Variants in PRKCB observed in about 807,000 individuals in gnomAD.
PRKCB encodes the protein protein kinase C beta, also known as protein kinase C beta type.
In PRKCB, 13 loss-of-function variants were observed where a neutral mutation model predicts 81.5. The ratio of observed to expected loss-of-function variants is 0.16; its 90% CI spans 0.10 to 0.25. The LOEUF is 0.25. Among genes scored for constraint, PRKCB ranks in the 10% least tolerant of loss-of-function variants. PRKCB has a pLI of 1.00. For missense variants in PRKCB, 509 were observed against 875.7 expected, an observed-to-expected ratio of 0.58 and a Z score of 5.29; for synonymous variants, 335 against 321.4, an observed-to-expected ratio of 1.04 and a Z score of -0.45.
At chr16:23,935,719 C>A (rs1270968122) in intron 2 of PRKCB, among the ~76,000 whole-genome samples, 4 of 152,134 alleles carry the variant, frequency 2.6e-5, no homozygotes, top group Admixed American at 1.3e-4. Flanking sequence ...AAATCATATC[C>A]TTTGCAGCAA....
chr16:23,990,674 C>T lies in PRKCB; in HGVS notation c.288+2084C>T, dbSNP rs117297400. Among the ~76,000 whole-genome samples, 957 of 151,958 alleles carry T rather than the reference C, an allele frequency of 6.3e-3. 2 individuals are homozygous for T. Among genetic ancestry groups the T allele is most frequent in the African/African-American group, 0.011 (472 of 41,480 alleles). Reference sequence around the variant, plus strand: ...GCAACCCCCCCACCTCAGCCGCCCACGTAGCTGGGCCTACAAGTGCATGCC... The same window carrying T: ...GCAACCCCCCCACCTCAGCCGCCCATGTAGCTGGGCCTACAAGTGCATGCC... On this transcript the variant is annotated intron_variant, in intron 3 of 16. Transcript: ENST00000643927.
At chr16:24,175,444 C>T (rs878950338) in intron 12 of PRKCB, among the ~76,000 whole-genome samples, 3 of 151,694 alleles carry the variant, frequency 2.0e-5, no homozygotes, top group Admixed American at 6.6e-5. Context: ...CCCTTGCCCC[C>T]GTGGAGTTTA....
intron 16 of PRKCB, among the ~76,000 whole-genome samples, chr16:24,196,169 C>T (rs1272803620): frequency 1.3e-5 from 2 of 152,192 alleles, no homozygotes; most frequent in Admixed American, 6.5e-5. Context: ...TTCTCTGTGT[C>T]AAATCCCAGT....
At position 24,167,461 on chromosome 16, in the gene PRKCB, G is replaced by C. The variant is rs76865246; in HGVS notation, c.1240-4809G>C. Among the ~76,000 whole-genome samples, 553 of 152,238 alleles carry C rather than the reference G, an allele frequency of 3.6e-3. 4 individuals carry two copies. The highest frequency in any genetic ancestry group is 0.012 in the African/African-American group (517 of 41,552). On this transcript the variant is annotated intron_variant, in intron 10 of 16. Transcript: ENST00000643927. The stretch of plus-strand genomic sequence containing the variant: ...TGTAGTCCCAGCTACTGGAGAGGCT[G>C]AGACAGGAGGATTACTTGAGCCTGG...
chr16:24,206,816 C>T (rs754424829), intron 16 of PRKCB, among the ~76,000 whole-genome samples: 6 of 152,242 alleles, frequency 3.9e-5, no homozygotes, highest in African/African-American at 1.2e-4. Flanking sequence ...TCTTATGTAT[C>T]GCCAGAGTCC....
chr16:23,973,988 T>C (rs545781996), intron 2 of PRKCB, among the ~76,000 whole-genome samples: 5 of 152,342 alleles, frequency 3.3e-5, no homozygotes, highest in African/African-American at 1.2e-4. Flanking sequence ...ATATTTAATC[T>C]GATATCTGAA....
chr16:24,095,948 T>A (rs61255447), intron 7 of PRKCB, among the ~76,000 whole-genome samples: 3,781 of 152,240 alleles, frequency 0.025, 162 homozygotes, highest in African/African-American at 0.085. Context: ...AACCTCATGG[T>A]CCCTCATTAG....
intron 2 of PRKCB, among the ~76,000 whole-genome samples, chr16:23,876,654 G>A (rs779799287): frequency 1.3e-5 from 2 of 152,070 alleles, no homozygotes; most frequent in Non-Finnish European, 2.9e-5. Context: ...ATCCTAGGCA[G>A]TGTGGTTTGG....
intron 5 of PRKCB, among the ~76,000 whole-genome samples, chr16:24,048,045 G>A (rs1339611533): frequency 2.0e-5 from 3 of 152,212 alleles, no homozygotes; most frequent in Non-Finnish European, 4.4e-5. Flanking sequence ...GCCATCGTGG[G>A]GCACAAAAGC....
At chr16:24,012,177 T>C (rs1965212245) in intron 3 of PRKCB, among the ~76,000 whole-genome samples, 2 of 152,224 alleles carry the variant, frequency 1.3e-5, no homozygotes, top group Admixed American at 1.3e-4. Flanking sequence ...CCAAATCCTA[T>C]AGTGCCTCCT....
At chr16:24,201,844 GCT>G (rs1967961936) in intron 16 of PRKCB, among the ~76,000 whole-genome samples, 1 of 152,090 alleles carries the variant, frequency 6.6e-6, no homozygotes, top group Non-Finnish European at 1.5e-5. Flanking sequence ...GACCATCTTG[GCT>G]AACACGGTGA....
At chr16:23,878,033 C>T (rs1963045259) in intron 2 of PRKCB, among the ~76,000 whole-genome samples, 1 of 152,036 alleles carries the variant, frequency 6.6e-6, no homozygotes, top group Non-Finnish European at 1.5e-5. Context: ...GGGGTTTCAC[C>T]ACGTTGGCCA....
chr16:23,988,431 T>G, intron 2 of PRKCB, 77 bp from the exon 3 acceptor site: 1 of 1,170,936 alleles, frequency 8.5e-7, no homozygotes, highest in Non-Finnish European at 1.3e-6. Flanking sequence ...TTTAATGATC[T>G]CTTCCTCCCT....
chr16:23,925,658 G>A (rs182080809), intron 2 of PRKCB, among the ~76,000 whole-genome samples: 16 of 152,108 alleles, frequency 1.1e-4, no homozygotes, highest in Admixed American at 8.5e-4. Flanking sequence ...AATTGAGAAG[G>A]CACAAGTGCA....
intron 2 of PRKCB, among the ~76,000 whole-genome samples, chr16:23,891,825 C>T (rs1208416480): frequency 6.6e-6 from 1 of 152,190 alleles, no homozygotes; most frequent in African/African-American, 2.4e-5. Context: ...TTGTCCATCA[C>T]ATTGACGCAG....
At chr16:24,013,281 T>G (rs539979682) in intron 3 of PRKCB, among the ~76,000 whole-genome samples, 1 of 152,332 alleles carries the variant, frequency 6.6e-6, no homozygotes, top group South Asian at 2.1e-4. Context: ...TTTTTGCTAT[T>G]GTAAATAATG....
At chr16:23,884,224 T>C (rs148113061) in intron 2 of PRKCB, among the ~76,000 whole-genome samples, 2 of 152,326 alleles carry the variant, frequency 1.3e-5, no homozygotes, top group African/African-American at 4.8e-5. Context: ...AACCCTAATT[T>C]GACTCTGGCA....
intron 2 of PRKCB, among the ~76,000 whole-genome samples, chr16:23,981,633 TC>T (rs1964706521): frequency 3.2e-5 from 4 of 123,274 alleles, no homozygotes; most frequent in Non-Finnish European, 3.4e-5. Flanking sequence ...TTCCCTTTTT[TC>T]CCTTTCTTTT....
At chr16:23,979,417 T>G (rs1446739552) in intron 2 of PRKCB, among the ~76,000 whole-genome samples, 1 of 152,196 alleles carries the variant, frequency 6.6e-6, no homozygotes, top group African/African-American at 2.4e-5. Context: ...CATGTGCCAT[T>G]CGGTGGATTT....
Sources: gnomAD v4.1 joint callset for allele counts (sites outside exome capture counted in the v4.1 genomes callset) on GRCh38, gnomAD v4.1.1 for gene constraint, MANE v1.5 for transcripts, NCBI Gene and HGNC (gene_info 2026-07-23, HGNC 2026-07-21) for gene names.